The following SCAF11 variants were observed in gnomAD, a reference collection of about 807,000 sequenced individuals.
SCAF11 encodes the protein protein SCAF11.
SCAF11 carries 47 observed loss-of-function variants against 140.5 expected under a neutral mutation model. That is an observed-to-expected ratio of 0.33 (90% confidence interval 0.26 to 0.43). The LOEUF is 0.43. SCAF11 is among the 20% of genes least tolerant of loss of function. The pLI, the probability that SCAF11 is intolerant of heterozygous loss-of-function variation, is 1.00. For missense variants in SCAF11, 1,645 were observed against 1,705.1 expected (o/e 0.96, Z 0.62); for synonymous variants, 557 against 579.4 (o/e 0.96, Z 0.55).
intron 1 of SCAF11, among the ~76,000 whole-genome samples, chr12:45,984,120 G>A (rs1341084375): frequency 1.3e-5 from 2 of 152,058 alleles, no homozygotes; most frequent in Non-Finnish European, 2.9e-5. Context: ...CGAATAGTGA[G>A]GGAACCCAGA....
At chr12:45,969,063 A>T (rs1946013931) in intron 1 of SCAF11, among the ~76,000 whole-genome samples, 1 of 152,226 alleles carries the variant, frequency 6.6e-6, no homozygotes, top group Non-Finnish European at 1.5e-5. Context: ...ACTAAATTTT[A>T]AATTTTTGTG....
chr12:45,923,813 C>G (rs1383950494), intron 12 of SCAF11, among the ~76,000 whole-genome samples: 1 of 151,662 alleles, frequency 6.6e-6, no homozygotes. Flanking sequence ...CTCCGAGTAG[C>G]TGGGATTACA....
chr12:45,927,046 T>C lies in SCAF11; in HGVS notation c.2655A>G (p.Arg885=), dbSNP rs1430670549. The stretch of plus-strand genomic sequence containing the variant: ...ATCTTTTGTTCTCTCTAGAAGTTTC[T>C]CTTCTTGGGGACAGTGATTCAGATC... ...SRRSESLSPR[R]ETSRENKRSQ... is the part of the protein sequence containing the mutation. Residue 885 remains arginine, a synonymous_variant, in exon 11 of 15, where the codon AGA becomes AGG. Transcript: ENST00000369367. The C allele has an allele frequency of 6.2e-7, 1 of 1,614,034 alleles. No individual in the cohort carries two copies. The highest frequency in any genetic ancestry group is 2.2e-5 in the East Asian group (1 of 44,902).
intron 3 of SCAF11, chr12:45,961,256 G>A (rs938878618): frequency 2.1e-5 from 15 of 708,608 alleles, no homozygotes; most frequent in African/African-American, 1.2e-4. Flanking sequence ...GGACACTATC[G>A]TATCTGCTCT....
chr12:45,929,774 C>T (rs1267069847), intron 10 of SCAF11: 1 of 152,200 alleles, frequency 6.6e-6, no homozygotes, highest in African/African-American at 2.4e-5. Context: ...ATGACCAAAT[C>T]TAGCTACTTA....
chr12:45,959,098 A>G (rs1470247055), intron 3 of SCAF11, among the ~76,000 whole-genome samples: 3 of 152,144 alleles, frequency 2.0e-5, no homozygotes, highest in Non-Finnish European at 4.4e-5. Context: ...AAATTTTGAA[A>G]GATACAGAAA....
rs1944727165 is a variant in SCAF11 at position 45,922,061 on chromosome 12, T to G, written c.4379A>C (p.Lys1460Thr). 6.2e-7 allele frequency: 1 copy of G among 1,610,758 alleles called. No individual in the cohort carries two copies. The highest frequency in any genetic ancestry group is 8.5e-7 in the Non-Finnish European group (1 of 1,179,242). The change falls in exon 15 of 15, where the codon AAA (lysine) becomes ACA (threonine). Residue 1460 changes from lysine to threonine, a missense_variant. Physicochemically the swap from Lys to Thr is moderately conservative, Grantham distance 78. Around this residue, in one of 2 missense-constraint regions of SCAF11, gnomAD observed 63 missense variants for 95.9 expected, o/e 0.66. Coordinates refer to ENST00000369367, the MANE Select transcript of SCAF11 (RefSeq NM_004719.3). ...GCGTTCCCCATTTCAGCCTATGTTT[T>G]TTTCAGTAGACACAGGTTCTTCCAG... ...KTLEEPVSTEKNIG is the reference protein window; with the variant it reads ...KTLEEPVSTETNIG
upstream of SCAF11, chr12:45,992,025 G>A (rs1323035716): frequency 7.8e-7 from 1 of 1,289,074 alleles, no homozygotes; most frequent in African/African-American, 1.5e-5. Flanking sequence ...CGGCCCCGCC[G>A]ACCGACCGCT....
intron 1 of SCAF11, among the ~76,000 whole-genome samples, chr12:45,980,774 C>T (rs1946332004): frequency 6.6e-6 from 1 of 152,244 alleles, no homozygotes; most frequent in Non-Finnish European, 1.5e-5. Flanking sequence ...TAGTGAGTGA[C>T]TCTCATGCCC....
At chr12:45,968,715 C>T (rs911050227) in intron 1 of SCAF11, among the ~76,000 whole-genome samples, 6 of 152,028 alleles carry the variant, frequency 3.9e-5, no homozygotes, top group South Asian at 2.1e-4. Context: ...CTGAGGCAGG[C>T]GGACCACTTG....
intron 1 of SCAF11, among the ~76,000 whole-genome samples, chr12:45,979,762 T>G (rs1179514656): frequency 6.6e-6 from 1 of 152,158 alleles, no homozygotes; most frequent in Non-Finnish European, 1.5e-5. Flanking sequence ...TAAATGTATA[T>G]GTATCAATGT....
chr12:45,921,041 G>T lies in SCAF11; in HGVS notation c.*1007C>A, dbSNP rs895726131. 6.6e-6 allele frequency: 1 copy of T among 151,770 alleles called. No individual in the cohort carries two copies. Among genetic ancestry groups the T allele is most frequent in the South Asian group, 2.1e-4 (1 of 4,814 alleles). 9.4% of individuals were successfully genotyped at this position (151,770 alleles called of 1,614,324 possible). A position where few individuals can be genotyped will look rare whatever the true frequency, so the allele number is the denominator to read the frequency against. ...CCTGTTGCCCAGGCTGGAGTGCAAT[G>T]GCATGGTCTCGGCTCACTGCAATCC... is the stretch of plus-strand genomic sequence containing the variant. On this transcript the variant is annotated 3_prime_UTR_variant, in exon 15 of 15. Coordinates refer to ENST00000369367, the MANE Select transcript of SCAF11 (RefSeq NM_004719.3).
At chr12:45,932,444 T>C (rs1945069959) in intron 9 of SCAF11, among the ~76,000 whole-genome samples, 1 of 152,200 alleles carries the variant, frequency 6.6e-6, no homozygotes, top group South Asian at 2.1e-4. Context: ...AAGGGTTTCA[T>C]AGTACATACA....
Position 45,921,277 on chromosome 12 carries a change from C to G in SCAF11, c.*771G>C, listed in dbSNP as rs773442888. Reference sequence around the variant, plus strand: ...GATTACAGGCGTGAGCCATCATGCCCGGCCGAAAGTCAACAATTTTTCCAA... The same window carrying G: ...GATTACAGGCGTGAGCCATCATGCCGGGCCGAAAGTCAACAATTTTTCCAA... On this transcript the variant is annotated 3_prime_UTR_variant, in exon 15 of 15. Transcript: ENST00000369367. 6.6e-6 allele frequency: 1 copy of G among 152,602 alleles called. No individual in the cohort carries two copies. The highest frequency in any genetic ancestry group is 1.5e-5 in the Non-Finnish European group (1 of 68,048). The allele number at this position is 152,602 out of a possible 1,614,324, so 9.5% of individuals were successfully genotyped here. A position where few individuals can be genotyped will look rare whatever the true frequency, so the allele number is the denominator to read the frequency against.
chr12:45,942,220 T>C (rs533313121), intron 6 of SCAF11, among the ~76,000 whole-genome samples: 226 of 152,344 alleles, frequency 1.5e-3, no homozygotes, highest in Non-Finnish European at 1.8e-3. Flanking sequence ...TTTCTGACTG[T>C]GCAGGGGTAC....
chr12:45,924,698 T>G, intron 12 of SCAF11, 30 bp downstream of exon 12: 1 of 1,536,654 alleles, frequency 6.5e-7, no homozygotes, highest in Non-Finnish European at 8.9e-7. Context: ...AATGGCTATA[T>G]TGATTAAACT....
intron 1 of SCAF11, among the ~76,000 whole-genome samples, chr12:45,964,531 G>A (rs916354489): frequency 6.6e-6 from 1 of 152,104 alleles, no homozygotes; most frequent in African/African-American, 2.4e-5. Flanking sequence ...GCCGGGCGTG[G>A]TGGCAGGTGC....
intron 5 of SCAF11, among the ~76,000 whole-genome samples, chr12:45,947,637 T>C (rs1434363620): frequency 2.6e-5 from 4 of 152,192 alleles, no homozygotes; most frequent in African/African-American, 9.6e-5. Context: ...GTGTTTAATA[T>C]TGGTATGTGA....
chr12:45,990,414 G>A lies in SCAF11; in HGVS notation c.-83C>T. 8.1e-7 allele frequency: 1 copy of A among 1,232,188 alleles called. No homozygotes were observed. Among genetic ancestry groups the A allele is most frequent in the Non-Finnish European group, 1.0e-6 (1 of 988,434 alleles). The allele number at this position is 1,232,188 out of a possible 1,614,324, so 76.3% of individuals were successfully genotyped here. A position where few individuals can be genotyped will look rare whatever the true frequency, so the allele number is the denominator to read the frequency against. ...CCCCACAGTAGGTTCCCAGGTCCCA[G>A]TCACTCCGCTGCCAAGTTCCCCAAC... On this transcript the variant is annotated 5_prime_UTR_variant, in exon 1 of 15. Coordinates refer to ENST00000369367, the MANE Select transcript of SCAF11 (RefSeq NM_004719.3).
Sources: gnomAD v4.1 joint callset for allele counts (sites outside exome capture counted in the v4.1 genomes callset) on GRCh38, gnomAD v4.1.1 for gene constraint, gnomAD v4.1.1 regional missense constraint, MANE v1.5 for transcripts, NCBI Gene and HGNC (gene_info 2026-07-23, HGNC 2026-07-21) for gene names.